The following LMO3 variants were observed in gnomAD, a reference collection of about 807,000 sequenced individuals.
LMO3 encodes LIM domain only protein 3.
Under a neutral mutation model 15.8 loss-of-function variants are expected in LMO3, and 2 were observed. The observed-to-expected ratio is 0.13, with a 90% CI of 0.05 to 0.40. The LOEUF (loss-of-function observed/expected upper bound fraction) is 0.40, where lower values mean the gene tolerates loss of function less well. LMO3 is among the 10% of genes least tolerant of loss of function. The probability of loss-of-function intolerance (pLI) is 0.99; values close to 1 mark genes in which losing one functional copy is unlikely to be tolerated. For missense variants in LMO3, 86 were observed against 182.2 expected (o/e 0.47, Z 3.04); for synonymous variants, 62 against 63.8 (o/e 0.97, Z 0.13).
intron 1 of LMO3, chr12:16,605,778 C>A: frequency 6.5e-7 from 1 of 1,535,554 alleles, no homozygotes; most frequent in Non-Finnish European, 8.7e-7. Context: ...TTGAGACGTT[C>A]CGCGCCGCAG....
At chr12:16,573,584 T>A (rs963888605) in intron 2 of LMO3, 5 of 152,192 alleles carry the variant, frequency 3.3e-5, no homozygotes, top group African/African-American at 1.2e-4. Context: ...GCCTTAAGCT[T>A]CTTAATGTGC....
rs1472804944 is a variant in LMO3, at chr12:16,593,055, A to G, written c.206+7600T>C. Among the ~76,000 whole-genome samples the G allele has an allele frequency of 6.6e-6, 1 of 151,900 alleles. No homozygotes were observed. Among genetic ancestry groups the G allele is most frequent in the Non-Finnish European group, 1.5e-5 (1 of 67,842 alleles). ...ATTTTTTCTCTGTGGTATCTGGATT[A>G]CTGTTAAACATTAGGATTAGCACAT... On this transcript the variant is annotated intron_variant, in intron 2 of 3. Coordinates refer to ENST00000537304, the MANE Select transcript of LMO3 (RefSeq NM_018640.5). This position sits in a 1 kb window ranked among gnomAD's most constrained non-coding sequence, Gnocchi z 4.2.
At chr12:16,562,158 A>G (rs745793319) in intron 2 of LMO3, among the ~76,000 whole-genome samples, 27 of 152,128 alleles carry the variant, frequency 1.8e-4, no homozygotes, top group Non-Finnish European at 3.7e-4. Flanking sequence ...CACCAACTAA[A>G]GCTTTCATCC....
rs1027060028 is a variant in LMO3, at chr12:16,599,794, G to A, written c.206+861C>T. The A allele has an allele frequency of 2.6e-5, 4 of 152,148 alleles. No homozygotes were observed. Among genetic ancestry groups the A allele is most frequent in the Non-Finnish European group, 5.9e-5 (4 of 68,026 alleles). 9.4% of individuals were successfully genotyped at this position (152,148 alleles called of 1,614,324 possible). The stretch of plus-strand genomic sequence containing the variant: ...ACTTAATGCTGGAAAACAAGCTTTA[G>A]TAGGCTTCATAGCTCCATAACCAAG... On this transcript the variant is annotated intron_variant, in intron 2 of 3. Coordinates refer to ENST00000537304, the MANE Select transcript of LMO3 (RefSeq NM_018640.5). The surrounding 1 kb of genome is among the most constrained non-coding windows in gnomAD (Gnocchi z 4.1).
At chr12:16,601,657 A>C (rs1274332086) in intron 1 of LMO3, among the ~76,000 whole-genome samples, 2 of 152,196 alleles carry the variant, frequency 1.3e-5, no homozygotes, top group African/African-American at 4.8e-5. Context: ...AAGAAAAAAC[A>C]ATAGAAGGCA....
rs530991238 is a variant in LMO3 at position 16,578,053 on chromosome 12, C to A, written c.207-17515G>T. ...ACAATGGACTCCAGTCCTCAGTAGG[C>A]AACAACTTTCATAAGAAATATATTC... is the stretch of plus-strand genomic sequence containing the variant. On this transcript the variant is annotated intron_variant, in intron 2 of 3. Transcript: ENST00000537304. Among the ~76,000 whole-genome samples the A allele has an allele frequency of 2.6e-5, 4 of 152,298 alleles. No individual in the cohort carries two copies. The South Asian group carries it at 6.2e-4, about 24-fold the overall frequency.
rs1168313432 is a variant in LMO3 at position 16,587,267 on chromosome 12, G to T, written c.206+13388C>A. Among the ~76,000 whole-genome samples the T allele has an allele frequency of 6.6e-6, 1 of 152,102 alleles. No individual in the cohort carries two copies. Among genetic ancestry groups the T allele is most frequent in the East Asian group, 1.9e-4 (1 of 5,188 alleles). ...ACTATCCATTTTAAGAAAATCACTG[G>T]GTGTGCCTAGGATCCAATGCTAACA... On this transcript the variant is annotated intron_variant, in intron 2 of 3. Transcript: ENST00000537304. The surrounding 1 kb of genome is among the most constrained non-coding windows in gnomAD (Gnocchi z 4.3).
intron 1 of LMO3, chr12:16,605,043 G>A (rs982387135): frequency 8.5e-6 from 13 of 1,523,232 alleles, no homozygotes; most frequent in Non-Finnish European, 1.1e-5. Flanking sequence ...GCCACTTTGG[G>A]AGCGGGTCGG....
chr12:16,559,172 A>AAAGT lies in LMO3; in HGVS notation c.332+1237_332+1240dup. Among the ~76,000 whole-genome samples the AAAGT allele has an allele frequency of 6.6e-6, 1 of 152,318 alleles. No homozygotes were observed. Among genetic ancestry groups the AAAGT allele is most frequent in the African/African-American group, 2.4e-5 (1 of 41,574 alleles). The stretch of plus-strand genomic sequence containing the variant: ...TATACTCTGCCAGGTGTTCTCACAG[A>AAAGT]AAGTCAGTGAATTCATTTTCATTAA... On this transcript the variant is annotated intron_variant, in intron 3 of 3. Coordinates refer to ENST00000537304, the MANE Select transcript of LMO3 (RefSeq NM_018640.5). The surrounding 1 kb of genome is among the most constrained non-coding windows in gnomAD (Gnocchi z 4.1).
intron 2 of LMO3, among the ~76,000 whole-genome samples, chr12:16,577,525 C>T (rs975645728): frequency 1.2e-4 from 19 of 152,012 alleles, no homozygotes; most frequent in South Asian, 4.2e-4. Context: ...TATTGAGTAC[C>T]TATTATCAGC....
At position 16,549,905 on chromosome 12, in the gene LMO3, GAA is replaced by G. The variant is rs938241843; in HGVS notation, c.*1315_*1316del. Reference sequence around the variant, plus strand: ...TAGTACTATTTCACCTTAAAAAATGGAAAGACAAATTTCAGCCTAAGAATGAT... The same window carrying G: ...TAGTACTATTTCACCTTAAAAAATGGAGACAAATTTCAGCCTAAGAATGAT... On this transcript the variant is annotated 3_prime_UTR_variant, in exon 4 of 4. Coordinates refer to ENST00000537304, the MANE Select transcript of LMO3 (RefSeq NM_018640.5). The G allele has an allele frequency of 2.6e-5, 4 of 152,010 alleles. No individual in the cohort carries two copies. Among genetic ancestry groups the G allele is most frequent in the African/African-American group, 9.7e-5 (4 of 41,406 alleles). The allele number at this position is 152,010 out of a possible 1,614,324, so 9.4% of individuals were successfully genotyped here.
intron 2 of LMO3, among the ~76,000 whole-genome samples, chr12:16,571,051 AAATC>A (rs1295934525): frequency 2.0e-5 from 3 of 152,250 alleles, no homozygotes; most frequent in African/African-American, 7.2e-5. Flanking sequence ...AATTTTAAAA[AAATC>A]TATTATCTAC....
intron 2 of LMO3, among the ~76,000 whole-genome samples, chr12:16,574,355 G>A (rs774149693): frequency 6.6e-6 from 1 of 152,076 alleles, no homozygotes; most frequent in Non-Finnish European, 1.5e-5. Context: ...GACACCACAC[G>A]GTGTGCAGAG....
Position 16,555,426 on chromosome 12 carries a change from C to A in LMO3, c.333-4099G>T, listed in dbSNP as rs1359690853. Among the ~76,000 whole-genome samples, 1 of 152,134 alleles carries A rather than the reference C, an allele frequency of 6.6e-6. No homozygotes were observed. Among genetic ancestry groups the A allele is most frequent in the South Asian group, 2.1e-4 (1 of 4,830 alleles). On this transcript the variant is annotated intron_variant, in intron 3 of 3. Transcript: ENST00000537304. This position sits in a 1 kb window ranked among gnomAD's most constrained non-coding sequence, Gnocchi z 5.5. Reference sequence around the variant, plus strand: ...TTTGCCATTATAGTCAGCAGTTCTGCGGTAAATGACCACGAGTTATATTTC... The same window carrying A: ...TTTGCCATTATAGTCAGCAGTTCTGAGGTAAATGACCACGAGTTATATTTC...
intron 2 of LMO3, chr12:16,600,394 C>A: frequency 3.1e-6 from 1 of 323,498 alleles, no homozygotes; most frequent in South Asian, 6.7e-5. Context: ...CTGGCAGTTT[C>A]AACATAGGCA....
chr12:16,551,640 C>G (rs1249065726), intron 3 of LMO3, among the ~76,000 whole-genome samples: 1 of 149,932 alleles, frequency 6.7e-6, no homozygotes, highest in Non-Finnish European at 1.5e-5. Context: ...ATAAAAAGAA[C>G]TGATCTGTAT....
chr12:16,567,100 C>G (rs907995618), intron 2 of LMO3, among the ~76,000 whole-genome samples: 1 of 151,956 alleles, frequency 6.6e-6, no homozygotes, highest in Non-Finnish European at 1.5e-5. Flanking sequence ...GGAGGCTGAG[C>G]CAGGAGAATC....
Position 16,603,037 on chromosome 12 carries a change from G to A in LMO3, c.-8-2169C>T, listed in dbSNP as rs1009769814. 6.6e-6 allele frequency among the ~76,000 whole-genome samples: 1 copy of A among 151,056 alleles called. No homozygotes were observed. Among genetic ancestry groups the A allele is most frequent in the East Asian group, 1.9e-4 (1 of 5,146 alleles). ...TAGCAGCTAAGTTATATTTCCCACA[G>A]TTGTGTTTCTACCATCAAGCATAGA... On this transcript the variant is annotated intron_variant, in intron 1 of 3. Coordinates refer to ENST00000537304, the MANE Select transcript of LMO3 (RefSeq NM_018640.5). This position sits in a 1 kb window ranked among gnomAD's most constrained non-coding sequence, Gnocchi z 4.9.
At chr12:16,554,150 T>TCAG (rs1424233648) in intron 3 of LMO3, among the ~76,000 whole-genome samples, 16 of 152,160 alleles carry the variant, frequency 1.1e-4, no homozygotes, top group Admixed American at 7.9e-4. Context: ...CTTCATATAG[T>TCAG]CTTAGAGACT....
Sources: allele counts gnomAD v4.1 joint callset (sites outside exome capture counted in the v4.1 genomes callset), GRCh38; gene constraint gnomAD v4.1.1; non-coding constraint Gnocchi (gnomAD v3.1); transcripts MANE v1.5; gene names NCBI Gene and HGNC (gene_info 2026-07-23, HGNC 2026-07-21).